PCDHGB2: variants seen among roughly 807,000 people sequenced by gnomAD.
The protein encoded by PCDHGB2 is protocadherin gamma subfamily B, 2.
A neutral mutation model predicts 59.3 loss-of-function variants in PCDHGB2; 55 were observed. The observed-to-expected ratio is 0.93, with a 90% confidence interval of 0.75 to 1.16. The LOEUF (loss-of-function observed/expected upper bound fraction) is 1.16, where lower values mean the gene tolerates loss of function less well. Among genes scored for constraint, PCDHGB2 ranks in the 50% most tolerant of loss-of-function variants. The probability of loss-of-function intolerance (pLI) is 0.00; values close to 1 mark genes in which losing one functional copy is unlikely to be tolerated. For missense variants in PCDHGB2, 1,228 were observed against 1,198.5 expected (o/e 1.02, Z -0.36); for synonymous variants, 516 against 512.0 (o/e 1.01, Z -0.11).
chr5:141,421,532 C>T lies in PCDHGB2; in HGVS notation c.2421+58976C>T, dbSNP rs557991200. On this transcript the variant is annotated intron_variant, in intron 1 of 3. Transcript: ENST00000522605. ...GAGGAGCTCTGTGAGACGGTGTCCT[C>T]CTGTTTTTTAAATATGGAACTTCTC... The T allele has an allele frequency of 1.4e-5, 23 of 1,613,996 alleles. No individual in the cohort carries two copies. In the African/African-American group the frequency reaches 2.4e-4, roughly 17 times the overall value.
In PCDHGB2 at chr5:141,366,563, G is replaced by A. The variant is rs369803383; in HGVS notation, c.2421+4007G>A. 2.0e-5 allele frequency: 32 copies of A among 1,614,130 alleles called. No individual in the cohort carries two copies. The African/African-American group carries it at 3.1e-4, about 15-fold the overall frequency. On this transcript the variant is annotated intron_variant, in intron 1 of 3. Coordinates refer to ENST00000522605, the MANE Select transcript of PCDHGB2 (RefSeq NM_018923.3). ...CGCCTCGCACTTTGTGGGCGTGGAT[G>A]GGGTTCGGGCTTTCCTGCAGACCTA...
At chr5:141,471,892 T>C (rs1429425311) in intron 1 of PCDHGB2, among the ~76,000 whole-genome samples, 1 of 152,166 alleles carries the variant, frequency 6.6e-6, no homozygotes, top group Admixed American at 6.6e-5. Context: ...GCTAGGAAGA[T>C]TGACTACAGA....
chr5:141,364,432 G>T (rs763376851), intron 1 of PCDHGB2: 1 of 1,613,796 alleles, frequency 6.2e-7, no homozygotes, highest in Non-Finnish European at 8.5e-7. Context: ...TCCGCTACTC[G>T]ATGCCGGAGG....
chr5:141,370,464 T>C (rs1766931580), intron 1 of PCDHGB2: 1 of 1,613,018 alleles, frequency 6.2e-7, no homozygotes, highest in Middle Eastern at 1.7e-4. Context: ...CCTGCTCTCT[T>C]TGTTAGACCA....
chr5:141,495,939 G>A (rs1408330065), intron 2 of PCDHGB2, among the ~76,000 whole-genome samples: 1 of 151,994 alleles, frequency 6.6e-6, no homozygotes, highest in Non-Finnish European at 1.5e-5. Context: ...TCTGGTCTCT[G>A]TGCCTGTTGT....
rs758782567 is a variant in PCDHGB2, at chr5:141,486,792, G to A, written c.2422-8015G>A. ...CAGTTTGAGGTGCAGGCCCGGGATCGGGGCAACCCACCCCTTAGCAGCACT... is the reference window on the plus strand; with the variant it reads ...CAGTTTGAGGTGCAGGCCCGGGATCAGGGCAACCCACCCCTTAGCAGCACT... On this transcript the variant is annotated intron_variant, in intron 1 of 3. Coordinates refer to ENST00000522605, the MANE Select transcript of PCDHGB2 (RefSeq NM_018923.3). This position sits in a 1 kb window ranked among gnomAD's most constrained non-coding sequence, Gnocchi z 5.0. The A allele has an allele frequency of 3.7e-5, 59 of 1,614,094 alleles. No homozygotes were observed. The Middle Eastern group carries it at 4.9e-4, about 13-fold the overall frequency.
intron 1 of PCDHGB2, chr5:141,410,801 A>T: frequency 3.4e-6 from 2 of 587,936 alleles, no homozygotes; most frequent in South Asian, 3.5e-5. Context: ...AAGTTGCTCT[A>T]TCTTTTTGTA....
chr5:141,402,882 G>C, intron 1 of PCDHGB2: 2 of 1,479,680 alleles, frequency 1.4e-6, no homozygotes, highest in East Asian at 4.8e-5. Context: ...TACTTTGCAG[G>C]GTGGAAGAAA....
chr5:141,372,633 A>C, intron 1 of PCDHGB2: 1 of 1,613,996 alleles, frequency 6.2e-7, no homozygotes, highest in Middle Eastern at 1.6e-4. Flanking sequence ...CAGCGAAAGG[A>C]CTTTGCCTTA....
At chr5:141,444,659 C>G (rs2098443878) in intron 1 of PCDHGB2, among the ~76,000 whole-genome samples, 1 of 152,032 alleles carries the variant, frequency 6.6e-6, no homozygotes, top group African/African-American at 2.4e-5. Context: ...GAAGTTATTT[C>G]CCATTTTTTT....
intron 1 of PCDHGB2, chr5:141,478,018 C>G: frequency 6.2e-7 from 1 of 1,614,124 alleles, no homozygotes; most frequent in Non-Finnish European, 8.5e-7. Flanking sequence ...CCCGTCCAGT[C>G]CAAGACACAG....
chr5:141,487,533 T>C lies in PCDHGB2; in HGVS notation c.2422-7274T>C. On this transcript the variant is annotated intron_variant, in intron 1 of 3. Coordinates refer to ENST00000522605, the MANE Select transcript of PCDHGB2 (RefSeq NM_018923.3). This position sits in a 1 kb window ranked among gnomAD's most constrained non-coding sequence, Gnocchi z 5.0. The stretch of plus-strand genomic sequence containing the variant: ...CCCACTCGGAGTGATAGCTTCATGA[T>C]GGTGAAGTCACCCAGTGCACCTATG... 6.2e-7 allele frequency: 1 copy of C among 1,614,186 alleles called. No individual in the cohort carries two copies. Among genetic ancestry groups the C allele is most frequent in the South Asian group, 1.1e-5 (1 of 91,080 alleles).
chr5:141,376,635 T>C, intron 1 of PCDHGB2: 3 of 1,245,578 alleles, frequency 2.4e-6, no homozygotes, highest in Non-Finnish European at 3.3e-6. Flanking sequence ...AGATTCGTGA[T>C]TTTGTAAAGT....
At position 141,489,185 on chromosome 5, in the gene PCDHGB2, T is replaced by TCTA; in HGVS notation, c.2422-5620_2422-5618dup. Reference sequence around the variant, plus strand: ...CAGCTGCTGCATTCCAAGCCCTGGGTCTACCTTGGAGACAGGACAGCACAG... The same window carrying TCTA: ...CAGCTGCTGCATTCCAAGCCCTGGGTCTACTACCTTGGAGACAGGACAGCACAG... On this transcript the variant is annotated intron_variant, in intron 1 of 3. Coordinates refer to ENST00000522605, the MANE Select transcript of PCDHGB2 (RefSeq NM_018923.3). This position sits in a 1 kb window ranked among gnomAD's most constrained non-coding sequence, Gnocchi z 4.5. 7.8e-7 allele frequency: 1 copy of TCTA among 1,286,838 alleles called. No homozygotes were observed. The highest frequency in any genetic ancestry group is 1.5e-5 in the South Asian group (1 of 65,798). The allele number at this position is 1,286,838 out of a possible 1,614,324, so 79.7% of individuals were successfully genotyped here.
At chr5:141,382,108 G>T (rs1323592761) in intron 1 of PCDHGB2, among the ~76,000 whole-genome samples, 2 of 152,024 alleles carry the variant, frequency 1.3e-5, no homozygotes, top group African/African-American at 4.8e-5. Flanking sequence ...GATTACAGGC[G>T]TGAGCAACAG....
At chr5:141,454,941 G>A (rs2098807517) in intron 1 of PCDHGB2, among the ~76,000 whole-genome samples, 1 of 150,970 alleles carries the variant, frequency 6.6e-6, no homozygotes, top group Non-Finnish European at 1.5e-5. Flanking sequence ...CCGAGTAGCT[G>A]GGACTACAGG....
rs1356739313 is a variant in PCDHGB2, at chr5:141,490,444, A to T, written c.2422-4363A>T. The T allele has an allele frequency of 6.2e-7, 1 of 1,614,194 alleles. No individual in the cohort carries two copies. Among genetic ancestry groups the T allele is most frequent in the Non-Finnish European group, 8.5e-7 (1 of 1,180,034 alleles). On this transcript the variant is annotated intron_variant, in intron 1 of 3. Transcript: ENST00000522605. The surrounding 1 kb of genome is among the most constrained non-coding windows in gnomAD (Gnocchi z 5.4). ...GCCATTTCAGATTAAGCCTTCTGAG[A>T]ACCACTACTCGCTGCTAACCAGCCA...
chr5:141,462,268 A>C (rs982301403), intron 1 of PCDHGB2, among the ~76,000 whole-genome samples: 3 of 152,196 alleles, frequency 2.0e-5, no homozygotes, highest in African/African-American at 7.2e-5. Flanking sequence ...CCTAAAGTGT[A>C]TTGTTTAGTC....
In PCDHGB2 at chr5:141,435,388, G is replaced by T. The variant is rs186494703; in HGVS notation, c.2422-59419G>T. Among the ~76,000 whole-genome samples, 241 of 152,094 alleles carry T rather than the reference G, an allele frequency of 1.6e-3. 5 individuals carry two copies. Among genetic ancestry groups the T allele is most frequent in the Non-Finnish European group, 2.1e-4 (14 of 67,992 alleles). The stretch of plus-strand genomic sequence containing the variant: ...ACTTAAATATACAATATACCGTATT[G>T]CCATGACGAAAAATGGTAAAGACTA... On this transcript the variant is annotated intron_variant, in intron 1 of 3. Transcript: ENST00000522605.
Sources: allele counts gnomAD v4.1 joint callset (sites outside exome capture counted in the v4.1 genomes callset), GRCh38; gene constraint gnomAD v4.1.1; non-coding constraint Gnocchi (gnomAD v3.1); transcripts MANE v1.5; gene names NCBI Gene and HGNC (gene_info 2026-07-23, HGNC 2026-07-21).